The following STAB2 variants were observed in gnomAD, a reference collection of about 807,000 sequenced individuals.
The protein encoded by STAB2 is stabilin 2, also known as stabilin-2.
Under a neutral mutation model 338.1 loss-of-function variants are expected in STAB2, and 288 were observed. That is an observed-to-expected ratio of 0.85 (90% CI 0.77 to 0.94). STAB2 has a LOEUF of 0.94. STAB2 is among the 40% of genes least tolerant of loss of function. STAB2 has a pLI of 0.00. For missense variants in STAB2, 3,141 were observed against 3,210.1 expected (o/e 0.98, Z 0.52); for synonymous variants, 1,202 against 1,193.3 (o/e 1.01, Z -0.15).
At chr12:103,629,877 A>T (rs1320103398) in intron 5 of STAB2, among the ~76,000 whole-genome samples, 1 of 152,196 alleles carries the variant, frequency 6.6e-6, no homozygotes, top group Non-Finnish European at 1.5e-5. Context: ...CAGTACTCTG[A>T]ACATAATATG....
intron 3 of STAB2, among the ~76,000 whole-genome samples, chr12:103,610,995 G>GT: frequency 6.6e-6 from 1 of 152,334 alleles, no homozygotes; most frequent in South Asian, 2.1e-4. Context: ...TAGTGGAGCG[G>GT]TTTTGAGTGA....
chr12:103,647,894 G>A (rs1015783894), intron 9 of STAB2, among the ~76,000 whole-genome samples: 1 of 152,058 alleles, frequency 6.6e-6, no homozygotes, highest in Non-Finnish European at 1.5e-5. Flanking sequence ...TATTTTCATT[G>A]TTTATATACT....
chr12:103,747,331 A>T (rs950734002), intron 58 of STAB2, among the ~76,000 whole-genome samples: 1 of 152,188 alleles, frequency 6.6e-6, no homozygotes, highest in African/African-American at 2.4e-5. Flanking sequence ...AATAAGGCAG[A>T]TGTTTCCTAT....
At chr12:103,763,392 G>C (rs7300663) in intron 67 of STAB2, 100 bp from the exon 68 acceptor site, 59,240 of 889,722 alleles carry the variant, frequency 0.067, 4,677 homozygotes, top group African/African-American at 0.34. Context: ...AAAAGGAAAA[G>C]CTCCCAGAGG....
intron 2 of STAB2, 92 bp from the exon 3 acceptor site, chr12:103,594,303 T>C: frequency 1.1e-6 from 1 of 911,700 alleles, no homozygotes; most frequent in South Asian, 1.6e-5. Flanking sequence ...AGATAAATAT[T>C]AAGACCTAAA....
At chr12:103,711,369 A>AT (rs1879837837) in intron 39 of STAB2, 102 bp from the exon 40 acceptor site, 1 of 1,466,400 alleles carries the variant, frequency 6.8e-7, no homozygotes, top group Admixed American at 1.8e-5. Context: ...CACATGATAC[A>AT]TATCACTTCC....
intron 10 of STAB2, 47 bp downstream of exon 10, chr12:103,648,870 G>A (rs755980285): frequency 9.4e-6 from 15 of 1,598,948 alleles, no homozygotes; most frequent in Middle Eastern, 1.7e-4. Context: ...CCTCTTTCAG[G>A]AAAGGGCATC....
intron 12 of STAB2, among the ~76,000 whole-genome samples, chr12:103,653,791 G>A (rs1873959437): frequency 6.8e-6 from 1 of 147,972 alleles, no homozygotes; most frequent in African/African-American, 2.5e-5. Context: ...TACATGGATA[G>A]GTCACTGAAC....
Position 103,669,610 on chromosome 12 carries a change from T to C in STAB2, c.2242T>C (p.Cys748Arg). 6.2e-7 allele frequency: 1 copy of C among 1,614,174 alleles called. No homozygotes were observed. Among genetic ancestry groups the C allele is most frequent in the East Asian group, 2.2e-5 (1 of 44,886 alleles). The part of the protein sequence containing the change: ...NQCPGGFSNP[C>R]SGNGQCADSL... ...GTGTCCAGGAGGCTTCTCAAATCCA[T>C]GCTCAGGAAATGGACAGGTGAATAC... The change falls in exon 21 of 69, where the codon TGC (cysteine) becomes CGC (arginine). Residue 748 changes from cysteine (C) to arginine (R), a missense_variant. Cys to Arg is a radical substitution (Grantham distance 180). Transcript: ENST00000388887.
intron 15 of STAB2, among the ~76,000 whole-genome samples, chr12:103,660,069 G>T (rs560630812): frequency 6.6e-6 from 1 of 152,220 alleles, no homozygotes; most frequent in South Asian, 2.1e-4. Context: ...ACATAAAATG[G>T]GTCAATAGGA....
intron 6 of STAB2, 61 bp from the exon 7 acceptor site, chr12:103,637,050 T>C: frequency 6.6e-7 from 1 of 1,509,270 alleles, no homozygotes; most frequent in Non-Finnish European, 8.8e-7. Flanking sequence ...TACTGCAGTT[T>C]GGGGGTCTTA....
chr12:103,625,441 T>C lies in STAB2; in HGVS notation c.487+3330T>C, dbSNP rs541587216. Among the ~76,000 whole-genome samples the C allele has an allele frequency of 2.0e-5, 3 of 152,280 alleles. No homozygotes were observed. In the East Asian group the frequency reaches 5.8e-4, roughly 29 times the overall value. On this transcript the variant is annotated intron_variant, in intron 5 of 68. Coordinates refer to ENST00000388887, the MANE Select transcript of STAB2 (RefSeq NM_017564.10). ...TAGTTACATATGTGTACATGTGCAA[T>C]GTTGGTGTGCTGCCCCCAGTAACTT...
chr12:103,700,227 A>G (rs1330788355), intron 34 of STAB2, among the ~76,000 whole-genome samples: 2 of 152,244 alleles, frequency 1.3e-5, no homozygotes, highest in Non-Finnish European at 2.9e-5. Context: ...TAAAAAGATC[A>G]GTTTGAAATT....
intron 16 of STAB2, 52 bp from the exon 17 acceptor site, chr12:103,660,631 G>A (rs967518501): frequency 2.6e-5 from 41 of 1,580,306 alleles, no homozygotes; most frequent in Non-Finnish European, 3.3e-5. Flanking sequence ...AGAACTCAGG[G>A]CCCTGCGTGT....
At chr12:103,696,800 G>T (rs1360523570) in intron 33 of STAB2, among the ~76,000 whole-genome samples, 1 of 152,146 alleles carries the variant, frequency 6.6e-6, no homozygotes, top group African/African-American at 2.4e-5. Flanking sequence ...GATTCTTCCA[G>T]CTTCCTGGGA....
chr12:103,722,018 G>C (rs1880807018), intron 44 of STAB2, among the ~76,000 whole-genome samples: 1 of 152,200 alleles, frequency 6.6e-6, no homozygotes, highest in South Asian at 2.1e-4. Context: ...TTGAGTTTGA[G>C]TTGCTTGGTA....
chr12:103,633,297 A>G (rs1364965795), intron 6 of STAB2, among the ~76,000 whole-genome samples: 1 of 152,252 alleles, frequency 6.6e-6, no homozygotes, highest in Non-Finnish European at 1.5e-5. Context: ...ACAAGAGACT[A>G]GGACAAAAAT....
At chr12:103,657,867 G>A (rs1032561424) in intron 15 of STAB2, 5 of 152,202 alleles carry the variant, frequency 3.3e-5, no homozygotes, top group African/African-American at 9.6e-5. Context: ...TCAAGGAAGA[G>A]TGCAGGAAAT....
intron 3 of STAB2, among the ~76,000 whole-genome samples, chr12:103,619,484 T>C (rs981454193): frequency 6.6e-6 from 1 of 152,222 alleles, no homozygotes; most frequent in Non-Finnish European, 1.5e-5. Context: ...GTGGGCATTG[T>C]AATTTCTGGC....
Sources: allele counts gnomAD v4.1 joint callset (sites outside exome capture counted in the v4.1 genomes callset), GRCh38; gene constraint gnomAD v4.1.1; transcripts MANE v1.5; gene names NCBI Gene and HGNC (gene_info 2026-07-23, HGNC 2026-07-21).